The following STK3 variants were observed in gnomAD, a reference collection of about 807,000 sequenced individuals.
The protein encoded by STK3 is serine/threonine-protein kinase 3.
STK3 carries 41 observed loss-of-function variants against 58.0 expected under a neutral mutation model. That is an observed-to-expected ratio of 0.71 (90% CI 0.55 to 0.92). The LOEUF is 0.92. Among genes scored for constraint, STK3 ranks in the 40% least tolerant of loss-of-function variants. The pLI is 0.00. For missense variants in STK3, 479 were observed against 602.7 expected (o/e 0.79, Z 2.15); for synonymous variants, 170 against 191.0 (o/e 0.89, Z 0.91).
rs535968358 is a variant in STK3 at position 98,780,726 on chromosome 8, C to T, written c.27-5907G>A. ...TTCTAGTCATCTAAAAGTAGATTTC[C>T]GGTAAGCAACTGGATTTACAAATCT... On this transcript the variant is annotated intron_variant, in intron 1 of 10. Transcript: ENST00000419617. Among the ~76,000 whole-genome samples, 48 of 151,634 alleles carry T rather than the reference C, an allele frequency of 3.2e-4. 1 individual carries two copies. The South Asian group carries it at 7.1e-3, about 22-fold the overall frequency.
rs1449907763 is a variant in STK3 at position 98,456,146 on chromosome 8, C to G, written c.1318-146G>C. The G allele has an allele frequency of 8.0e-6, 7 of 876,428 alleles. No homozygotes were observed. In the East Asian group the frequency reaches 1.9e-4, roughly 24 times the overall value. The allele number at this position is 876,428 out of a possible 1,614,324, so 54.3% of individuals were successfully genotyped here. ...ACATCATCTTTGAAGTATAGTTCAACAATTAAAACAGGAATTTCTTCCTTG... is the reference window on the plus strand; with the variant it reads ...ACATCATCTTTGAAGTATAGTTCAAGAATTAAAACAGGAATTTCTTCCTTG... On this transcript the variant is annotated intron_variant, in intron 10 of 10. Coordinates refer to ENST00000419617, the MANE Select transcript of STK3 (RefSeq NM_006281.4).
chr8:98,784,868 AGGCATTC>A (rs1349389483), intron 1 of STK3, among the ~76,000 whole-genome samples: 2 of 152,034 alleles, frequency 1.3e-5, no homozygotes, highest in Non-Finnish European at 2.9e-5. Context: ...GCAAATCTCC[AGGCATTC>A]AGAGCATCTG....
intron 9 of STK3, among the ~76,000 whole-genome samples, chr8:98,536,654 T>A (rs1241527242): frequency 3.3e-5 from 5 of 152,156 alleles, no homozygotes; most frequent in African/African-American, 1.2e-4. Flanking sequence ...TCTAATGACA[T>A]CATGAACTCA....
At chr8:98,844,681 G>T (rs1416666301) in intron 3 of STK3, among the ~76,000 whole-genome samples, 6 of 152,002 alleles carry the variant, frequency 3.9e-5, no homozygotes, top group African/African-American at 1.5e-4. Context: ...GGCCAGGCTG[G>T]TCTCCAACTC....
chr8:98,932,956 G>C (rs1840055650), intron 1 of STK3, among the ~76,000 whole-genome samples: 1 of 152,220 alleles, frequency 6.6e-6, no homozygotes, highest in African/African-American at 2.4e-5. Context: ...CTGTGCTGTG[G>C]AAAAGTCAGC....
chr8:98,810,240 G>A (rs1356428855), intron 1 of STK3, among the ~76,000 whole-genome samples: 1 of 152,050 alleles, frequency 6.6e-6, no homozygotes, highest in Non-Finnish European at 1.5e-5. Flanking sequence ...CATGAGATTT[G>A]GGCAGGGATA....
intron 2 of STK3, among the ~76,000 whole-genome samples, chr8:98,773,772 TTTTA>T (rs1183634579): frequency 6.6e-6 from 1 of 151,340 alleles, no homozygotes; most frequent in African/African-American, 2.4e-5. Flanking sequence ...TTCAGCTTAT[TTTTA>T]TTTTTTATTT....
intron 3 of STK3, chr8:98,429,638 T>G (rs1394062362): frequency 3.8e-6 from 2 of 523,290 alleles, no homozygotes; most frequent in Non-Finnish European, 6.9e-6. Flanking sequence ...TGACACTCAC[T>G]GGTCTTTGCA....
In STK3 at chr8:98,574,169, A is replaced by G. The variant is rs181390573; in HGVS notation, c.948+5495T>C. Among the ~76,000 whole-genome samples the G allele has an allele frequency of 1.4e-4, 22 of 152,268 alleles. No individual in the cohort carries two copies. The East Asian group carries it at 3.9e-3, about 27-fold the overall frequency. Reference sequence around the variant, plus strand: ...AAGTAACAGGAAAAGTAAAAAATGTACCTAATGAACTGGGTGGTCTAGCAA... The same window carrying G: ...AAGTAACAGGAAAAGTAAAAAATGTGCCTAATGAACTGGGTGGTCTAGCAA... On this transcript the variant is annotated intron_variant, in intron 8 of 10. Coordinates refer to ENST00000419617, the MANE Select transcript of STK3 (RefSeq NM_006281.4).
At chr8:98,440,418 A>G (rs997990511) in intron 1 of STK3, among the ~76,000 whole-genome samples, 1 of 152,216 alleles carries the variant, frequency 6.6e-6, no homozygotes, top group Non-Finnish European at 1.5e-5. Context: ...GTACATTCGC[A>G]TTATTGTGCA....
In STK3 at chr8:98,914,461, TACACACACACACACAC is replaced by T. The variant is rs34753292; in HGVS notation, c.-79+27901_-79+27916del. On this transcript the variant is annotated intron_variant, in intron 1 of 1. Transcript: ENST00000519420. The stretch of plus-strand genomic sequence containing the variant: ...CTACACTTGTGTGCAAGCACATGCC[TACACACACACACACAC>T]ACACACACACACACACTCTCTCTCT... 6.2e-4 allele frequency among the ~76,000 whole-genome samples: 89 copies of T among 143,614 alleles called. No individual in the cohort carries two copies. In the South Asian group the frequency reaches 8.4e-3, roughly 14 times the overall value. The allele number at this position is 143,614 out of a possible 152,430, so 94.2% of individuals were successfully genotyped here. A position where few individuals can be genotyped will look rare whatever the true frequency, so the allele number is the denominator to read the frequency against.
At chr8:98,659,116 A>G (rs1369744047) in intron 6 of STK3, among the ~76,000 whole-genome samples, 2 of 152,074 alleles carry the variant, frequency 1.3e-5, no homozygotes, top group Admixed American at 6.6e-5. Flanking sequence ...AGTTCACTCT[A>G]TGATATTCTT....
intron 3 of STK3, among the ~76,000 whole-genome samples, chr8:98,412,581 T>A (rs919734524): frequency 6.6e-6 from 1 of 152,248 alleles, no homozygotes; most frequent in Admixed American, 6.5e-5. Flanking sequence ...ACAATGTGAA[T>A]GAGTCCAACT....
chr8:98,541,837 T>C (rs1810303426), intron 9 of STK3, among the ~76,000 whole-genome samples: 1 of 152,244 alleles, frequency 6.6e-6, no homozygotes, highest in South Asian at 2.1e-4. Context: ...AATTATATTA[T>C]TCTGATACGA....
chr8:98,590,490 G>C (rs1373833305), intron 7 of STK3, among the ~76,000 whole-genome samples: 1 of 152,212 alleles, frequency 6.6e-6, no homozygotes, highest in Non-Finnish European at 1.5e-5. Flanking sequence ...TTTGAAATTG[G>C]TGAGATGTAT....
intron 1 of STK3, chr8:98,782,114 C>T (rs1832130154): frequency 4.3e-6 from 1 of 235,286 alleles, no homozygotes; most frequent in South Asian, 7.2e-5. Context: ...TCTGGCTGGA[C>T]ACCAATGAGA....
At position 98,927,935 on chromosome 8, in the gene STK3, T is replaced by C. The variant is rs563867835; in HGVS notation, c.-79+14443A>G. Among the ~76,000 whole-genome samples the C allele has an allele frequency of 1.3e-4, 20 of 152,364 alleles. No homozygotes were observed. In the South Asian group the frequency reaches 2.5e-3, roughly 19 times the overall value. On this transcript the variant is annotated intron_variant, in intron 1 of 1. Coordinates refer to the STK3 transcript ENST00000519420. ...GGCATGCCTGAAGCTATTCAACTCA[T>C]GGACTTTTCGGTTACATGGACCACT...
intron 6 of STK3, among the ~76,000 whole-genome samples, chr8:98,600,214 G>A (rs1352594647): frequency 6.6e-6 from 1 of 152,184 alleles, no homozygotes; most frequent in Non-Finnish European, 1.5e-5. Flanking sequence ...AATTAAGGGA[G>A]AGGGTGCAGC....
At chr8:98,537,840 G>A (rs919134980) in intron 9 of STK3, among the ~76,000 whole-genome samples, 1 of 151,984 alleles carries the variant, frequency 6.6e-6, no homozygotes, top group Non-Finnish European at 1.5e-5. Context: ...AAAGAAAAAG[G>A]TTGCTTTTCA....
Sources: allele counts gnomAD v4.1 joint callset (sites outside exome capture counted in the v4.1 genomes callset), GRCh38; gene constraint gnomAD v4.1.1; transcripts MANE v1.5; gene names NCBI Gene and HGNC (gene_info 2026-07-23, HGNC 2026-07-21).